The following GCM1 variants were observed in gnomAD, a reference collection of about 807,000 sequenced individuals.
GCM1 encodes GCM transcription factor 1.
A neutral mutation model predicts 25.7 loss-of-function variants in GCM1; 2 were observed. The ratio of observed to expected loss-of-function variants is 0.08; its 90% confidence interval spans 0.03 to 0.24. The LOEUF is 0.24. GCM1 is among the 10% of genes least tolerant of loss of function. The probability of loss-of-function intolerance (pLI) is 1.00; values close to 1 mark genes in which losing one functional copy is unlikely to be tolerated. For synonymous variants in GCM1, 183 were observed against 195.7 expected (o/e 0.94, Z 0.54); for missense variants, 395 against 538.7 (o/e 0.73, Z 2.64).
chr6:53,137,226 T>C (rs1763814554), intron 2 of GCM1, among the ~76,000 whole-genome samples: 1 of 152,172 alleles, frequency 6.6e-6, no homozygotes, highest in Non-Finnish European at 1.5e-5. Flanking sequence ...GGATGCTGGT[T>C]GGACCATTTG....
In GCM1 at chr6:53,128,297, C is replaced by T. The variant is rs1227191692; in HGVS notation, c.1220G>A (p.Ser407Asn). Reference sequence around the variant, plus strand: ...TTCTTCCTCAAAATCCCATTTGCTGCTCTTGCTTGGCAGTGAATATTGCTG... The same window carrying T: ...TTCTTCCTCAAAATCCCATTTGCTGTTCTTGCTTGGCAGTGAATATTGCTG... Reference protein sequence around the residue: ...PHQQYSLPSKSSKWDFEEEMT... With the variant: ...PHQQYSLPSKNSKWDFEEEMT... Residue 407 changes from serine to asparagine, a missense_variant, in exon 6 of 6, where the codon AGC (serine) becomes AAC (asparagine). Ser to Asn is a conservative substitution (Grantham distance 46, BLOSUM62 1). Around this residue, in one of 5 missense-constraint regions of GCM1, gnomAD observed 291 missense variants for 314.6 expected, o/e 0.92. Coordinates refer to ENST00000259803, the MANE Select transcript of GCM1 (RefSeq NM_003643.4). 6.2e-7 allele frequency: 1 copy of T among 1,613,928 alleles called. No individual in the cohort carries two copies. The highest frequency in any genetic ancestry group is 8.5e-7 in the Non-Finnish European group (1 of 1,179,906).
At chr6:53,147,232 T>G (rs1462024039) in intron 1 of GCM1, among the ~76,000 whole-genome samples, 1 of 152,100 alleles carries the variant, frequency 6.6e-6, no homozygotes, top group African/African-American at 2.4e-5. Context: ...ATTTTGCAGA[T>G]GAAAGCTACT....
At position 53,127,104 on chromosome 6, in the gene GCM1, A is replaced by G. The variant is rs1273426959; in HGVS notation, c.*1102T>C. 4 of 152,212 alleles carry G rather than the reference A, an allele frequency of 2.6e-5. No individual in the cohort carries two copies. Among genetic ancestry groups the G allele is most frequent in the Non-Finnish European group, 5.9e-5 (4 of 68,048 alleles). The allele number at this position is 152,212 out of a possible 1,614,324, so 9.4% of individuals were successfully genotyped here. The stretch of plus-strand genomic sequence containing the variant: ...ATCATTGCCAGGCTAATTGCACAAG[A>G]GCTTCTCCAAGCAAATATTTCTCAC... On this transcript the variant is annotated 3_prime_UTR_variant, in exon 6 of 6. Coordinates refer to ENST00000259803, the MANE Select transcript of GCM1 (RefSeq NM_003643.4).
intron 3 of GCM1, 87 bp downstream of exon 3, chr6:53,133,985 T>C (rs1192283748): frequency 3.8e-6 from 5 of 1,320,828 alleles, no homozygotes; most frequent in Non-Finnish European, 4.2e-6. Context: ...GTTTTGCCCT[T>C]GGGCGGTGCT....
chr6:53,137,567 T>C (rs2127509428), intron 2 of GCM1, among the ~76,000 whole-genome samples: 1 of 150,468 alleles, frequency 6.6e-6, no homozygotes, highest in East Asian at 2.0e-4. Context: ...GCTGGAGGAT[T>C]GCTTGAGTCC....
rs1581849515 is a variant in GCM1 at position 53,131,900 on chromosome 6, T to C, written c.441+107A>G. ...GGGACAGATACTTGCTCTCTTAGAG[T>C]GTGAGCCCTCGGGGATGGTGCAGGA... On this transcript the variant is annotated intron_variant, in intron 4 of 5. Transcript: ENST00000259803. 5 of 731,518 alleles carry C rather than the reference T, an allele frequency of 6.8e-6. No individual in the cohort carries two copies. The East Asian group carries it at 7.8e-5, about 11-fold the overall frequency. 45.3% of individuals were successfully genotyped at this position (731,518 alleles called of 1,614,324 possible).
chr6:53,135,209 T>G (rs1581851459), intron 2 of GCM1, among the ~76,000 whole-genome samples: 1 of 152,184 alleles, frequency 6.6e-6, no homozygotes. Flanking sequence ...CTAGAGCTCC[T>G]TTGCACAACA....
intron 2 of GCM1, among the ~76,000 whole-genome samples, chr6:53,142,622 C>T: frequency 6.6e-6 from 1 of 152,130 alleles, no homozygotes; most frequent in Non-Finnish European, 1.5e-5. Flanking sequence ...CAGGAGGTAA[C>T]TAAGACTTAA....
Position 53,140,174 on chromosome 6 carries a change from G to A in GCM1, c.75+5384C>T, listed in dbSNP as rs1763854840. The stretch of plus-strand genomic sequence containing the variant: ...AGTTCAAATGACCCTTGAGGTCAAG[G>A]AGAATGTCTGGCAAAGGGGGCAAAG... On this transcript the variant is annotated intron_variant, in intron 2 of 5. Transcript: ENST00000259803. Among the ~76,000 whole-genome samples, 3 of 152,268 alleles carry A rather than the reference G, an allele frequency of 2.0e-5. No homozygotes were observed. In the South Asian group the frequency reaches 6.2e-4, roughly 32 times the overall value.
At chr6:53,142,548 A>T (rs1763890428) in intron 2 of GCM1, among the ~76,000 whole-genome samples, 1 of 152,170 alleles carries the variant, frequency 6.6e-6, no homozygotes, top group South Asian at 2.1e-4. Flanking sequence ...ATATTTAGGG[A>T]ACACTATTCT....
rs371602759 is a variant in GCM1, at chr6:53,128,721, G to A, written c.796C>T (p.Arg266Cys). ...TVDPMKLYEK[R>C]KLSSSRTYSS... ...TAGGTTCTGCTACTGGACAATTTGCGCTTTTCATAGAGCTTCATGGGGTCC... is the reference window on the plus strand; with the variant it reads ...TAGGTTCTGCTACTGGACAATTTGCACTTTTCATAGAGCTTCATGGGGTCC... The change falls in exon 6 of 6, where the codon CGC becomes TGC. Residue 266 changes from arginine (R) to cysteine (C), a missense_variant. By Grantham distance (180) the Arg-to-Cys change is radical. Coordinates refer to ENST00000259803, the MANE Select transcript of GCM1 (RefSeq NM_003643.4). 5.6e-6 allele frequency: 9 copies of A among 1,613,918 alleles called. No individual in the cohort carries two copies. Among genetic ancestry groups the A allele is most frequent in the Middle Eastern group, 1.6e-4 (1 of 6,084 alleles).
chr6:53,139,924 T>A (rs1015383070), intron 2 of GCM1, among the ~76,000 whole-genome samples: 2 of 152,174 alleles, frequency 1.3e-5, no homozygotes, highest in East Asian at 1.9e-4. Flanking sequence ...CTGAAAACAC[T>A]AAGTTATGCC....
In GCM1 at chr6:53,146,216, A is replaced by AT. The variant is rs70980806; in HGVS notation, c.-136-449dup. Among the ~76,000 whole-genome samples the AT allele has an allele frequency of 3.1e-3, 314 of 101,356 alleles. 3 individuals are homozygous for AT. Among genetic ancestry groups the AT allele is most frequent in the African/African-American group, 6.2e-3 (198 of 31,810 alleles). The allele number at this position is 101,356 out of a possible 152,430, so 66.5% of individuals were successfully genotyped here. A position where few individuals can be genotyped will look rare whatever the true frequency, so the allele number is the denominator to read the frequency against. ...GTTTTATATATATATATATATATATATTTTTTTTTTTTTTTTTTTTTGAGA... is the reference window on the plus strand; with the variant it reads ...GTTTTATATATATATATATATATATATTTTTTTTTTTTTTTTTTTTTTGAGA... On this transcript the variant is annotated intron_variant, in intron 1 of 5. Transcript: ENST00000259803.
chr6:53,129,272 CTTT>C (rs11342377), intron 5 of GCM1, among the ~76,000 whole-genome samples: 171 of 119,390 alleles, frequency 1.4e-3, no homozygotes, highest in African/African-American at 3.9e-3. Flanking sequence ...TTTATTTATT[CTTT>C]TTTTTTTTTT....
intron 3 of GCM1, among the ~76,000 whole-genome samples, chr6:53,133,680 G>A (rs913160298): frequency 7.9e-5 from 12 of 152,064 alleles, no homozygotes; most frequent in Non-Finnish European, 1.5e-4. Flanking sequence ...TTTTGTAGGG[G>A]TTGGGGTCTT....
At chr6:53,135,433 G>T (rs1763784701) in intron 2 of GCM1, among the ~76,000 whole-genome samples, 1 of 152,190 alleles carries the variant, frequency 6.6e-6, no homozygotes, top group African/African-American at 2.4e-5. Context: ...CTGAAGAGTT[G>T]TTCTGAAGAT....
chr6:53,139,199 T>C (rs1029714062), intron 2 of GCM1, among the ~76,000 whole-genome samples: 2 of 151,668 alleles, frequency 1.3e-5, no homozygotes, highest in African/African-American at 4.8e-5. Flanking sequence ...TATATAGAGG[T>C]ACAAAAATCA....
At chr6:53,140,942 C>A (rs1021434943) in intron 2 of GCM1, among the ~76,000 whole-genome samples, 2 of 152,114 alleles carry the variant, frequency 1.3e-5, no homozygotes, top group African/African-American at 4.8e-5. Flanking sequence ...ATCAAGCAAA[C>A]CTTAAAGCAA....
intron 2 of GCM1, among the ~76,000 whole-genome samples, chr6:53,144,999 AAAG>A (rs915067683): frequency 6.6e-6 from 1 of 151,686 alleles, no homozygotes. Context: ...AGAGAGAAAG[AAAG>A]AAAAAAAGAA....
Sources: gnomAD v4.1 joint callset for allele counts (sites outside exome capture counted in the v4.1 genomes callset) on GRCh38, gnomAD v4.1.1 for gene constraint, gnomAD v4.1.1 regional missense constraint, MANE v1.5 for transcripts, NCBI Gene and HGNC (gene_info 2026-07-23, HGNC 2026-07-21) for gene names.